TRAPPC12: variants seen among roughly 807,000 people sequenced by gnomAD.
TRAPPC12 encodes trafficking protein particle complex subunit 12, also known as TPR repeat protein 15.
TRAPPC12 carries 61 observed loss-of-function variants against 69.2 expected under a neutral mutation model. That is an observed-to-expected ratio of 0.88 (90% CI 0.72 to 1.09). TRAPPC12 has a LOEUF of 1.09. TRAPPC12 is among the 50% of genes least tolerant of loss of function. The pLI is 0.00. For missense variants in TRAPPC12, 1,101 were observed against 1,016.4 expected (o/e 1.08, Z -1.13); for synonymous variants, 469 against 438.9 (o/e 1.07, Z -0.86).
chr2:3,404,604 T>A (rs567759944), intron 3 of TRAPPC12, among the ~76,000 whole-genome samples: 96 of 152,076 alleles, frequency 6.3e-4, no homozygotes, highest in Middle Eastern at 3.4e-3. Flanking sequence ...TGCTGTAACT[T>A]GGGGGAGACA....
intron 9 of TRAPPC12, among the ~76,000 whole-genome samples, chr2:3,473,031 T>A (rs182017602): frequency 7.9e-5 from 12 of 152,312 alleles, no homozygotes; most frequent in Admixed American, 2.6e-4. Flanking sequence ...CTTAGCAGGA[T>A]TCTTGCTCAC....
At chr2:3,408,370 T>G (rs1661846393) in intron 3 of TRAPPC12, among the ~76,000 whole-genome samples, 1 of 152,222 alleles carries the variant, frequency 6.6e-6, no homozygotes, top group African/African-American at 2.4e-5. Flanking sequence ...CTCACACCTG[T>G]AATCCCAGCA....
chr2:3,462,840 C>T (rs1367692876), intron 8 of TRAPPC12: 1 of 457,390 alleles, frequency 2.2e-6, no homozygotes, highest in Non-Finnish European at 4.6e-6. Context: ...GGCCACTTCC[C>T]TCCTGGTGTC....
At position 3,388,623 on chromosome 2, in the gene TRAPPC12, G is replaced by A. The variant is rs901296240; in HGVS notation, c.1000G>A (p.Asp334Asn). 5.0e-6 allele frequency: 8 copies of A among 1,595,098 alleles called. No homozygotes were observed. Among genetic ancestry groups the A allele is most frequent in the African/African-American group, 1.3e-5 (1 of 74,512 alleles). The change falls in exon 2 of 12, where the codon GAC (aspartate) becomes AAC (asparagine). Residue 334 changes from aspartate (D) to asparagine (N), a missense_variant. Asp to Asn is a conservative substitution (Grantham distance 23). Transcript: ENST00000324266. Reference protein sequence around the residue: ...ATQQRGAVFVDKENLTMPGLR... With the variant: ...ATQQRGAVFVNKENLTMPGLR... Reference sequence around the variant, plus strand: ...CCAGCAGCGCGGCGCCGTGTTCGTGGACAAGGAGAACCTCACCATGCCGGG... The same window carrying A: ...CCAGCAGCGCGGCGCCGTGTTCGTGAACAAGGAGAACCTCACCATGCCGGG...
intron 6 of TRAPPC12, among the ~76,000 whole-genome samples, chr2:3,448,954 A>G (rs570378529): frequency 3.2e-4 from 48 of 152,324 alleles, no homozygotes; most frequent in Non-Finnish European, 5.4e-4. Flanking sequence ...AGTGTTGAGA[A>G]TTTTTATATG....
rs549621522 is a variant in TRAPPC12, at chr2:3,426,524, C to T, written c.1417+1861C>T. On this transcript the variant is annotated intron_variant, in intron 5 of 11. Transcript: ENST00000324266. The stretch of plus-strand genomic sequence containing the variant: ...GTGCGTGTTCAGGAGCTCTGTCTGC[C>T]GTGGCCTGGCCAACAGGTGGAGGAA... Among the ~76,000 whole-genome samples the T allele has an allele frequency of 1.3e-3, 203 of 152,328 alleles. 3 individuals are homozygous for T. The South Asian group carries it at 0.04, about 30-fold the overall frequency.
chr2:3,452,420 T>C (rs1339581654), intron 6 of TRAPPC12, among the ~76,000 whole-genome samples: 1 of 152,226 alleles, frequency 6.6e-6, no homozygotes, highest in Non-Finnish European at 1.5e-5. Flanking sequence ...ACTCTGCCTT[T>C]TGAGGAGTGC....
At chr2:3,445,084 T>G (rs535550339) in intron 6 of TRAPPC12, among the ~76,000 whole-genome samples, 11 of 152,362 alleles carry the variant, frequency 7.2e-5, no homozygotes, top group African/African-American at 2.6e-4. Context: ...TGTCACATTG[T>G]AGGAAATCTT....
At chr2:3,450,600 G>A (rs916749316) in intron 6 of TRAPPC12, among the ~76,000 whole-genome samples, 1 of 152,184 alleles carries the variant, frequency 6.6e-6, no homozygotes, top group African/African-American at 2.4e-5. Context: ...CCAGGCACGT[G>A]GTCCGTGTTT....
At chr2:3,452,535 C>T (rs56859379) in intron 6 of TRAPPC12, among the ~76,000 whole-genome samples, 2 of 152,130 alleles carry the variant, frequency 1.3e-5, no homozygotes. Context: ...GGACAGGCTC[C>T]CCTGCCTCCA....
intron 3 of TRAPPC12, among the ~76,000 whole-genome samples, chr2:3,409,431 T>G (rs1661914867): frequency 6.6e-6 from 1 of 152,234 alleles, no homozygotes; most frequent in Non-Finnish European, 1.5e-5. Context: ...TTTCCTTTAA[T>G]GTTTTTCTAA....
At chr2:3,472,104 G>A (rs1203809819) in intron 9 of TRAPPC12, among the ~76,000 whole-genome samples, 2 of 152,172 alleles carry the variant, frequency 1.3e-5, no homozygotes, top group African/African-American at 4.8e-5. Context: ...GGGACGGGAT[G>A]CAGGACCACT....
At chr2:3,477,582 T>C in intron 9 of TRAPPC12, 113 bp from the exon 10 acceptor site, 2 of 568,974 alleles carry the variant, frequency 3.5e-6, no homozygotes, top group South Asian at 7.2e-5. Flanking sequence ...AGTTTTCCTC[T>C]GCCTGACATA....
At chr2:3,471,688 G>C (rs115435067) in intron 9 of TRAPPC12, among the ~76,000 whole-genome samples, 1 of 152,204 alleles carries the variant, frequency 6.6e-6, no homozygotes, top group African/African-American at 2.4e-5. Context: ...AGAAGCAACT[G>C]ATCTTCAAAC....
chr2:3,422,742 C>A (rs1662880293), intron 4 of TRAPPC12, among the ~76,000 whole-genome samples: 1 of 152,200 alleles, frequency 6.6e-6, no homozygotes, highest in Admixed American at 6.5e-5. Context: ...ATGTACTTTC[C>A]CCCATCACCT....
At chr2:3,438,315 A>T (rs1481137412) in intron 5 of TRAPPC12, among the ~76,000 whole-genome samples, 4 of 62,122 alleles carry the variant, frequency 6.4e-5, no homozygotes, top group Admixed American at 2.1e-4. Context: ...TCACCCCTGG[A>T]TTAGCCCCCA....
chr2:3,430,144 A>G (rs1663348645), intron 5 of TRAPPC12, among the ~76,000 whole-genome samples: 1 of 152,180 alleles, frequency 6.6e-6, no homozygotes, highest in Non-Finnish European at 1.5e-5. Context: ...TCCATTATTC[A>G]TATCCATCCA....
chr2:3,434,277 G>GAATTAA (rs1663626865), intron 5 of TRAPPC12, among the ~76,000 whole-genome samples: 1 of 152,276 alleles, frequency 6.6e-6, no homozygotes, highest in African/African-American at 2.4e-5. Flanking sequence ...ACCTTACCTG[G>GAATTAA]AGCTCACAGA....
intron 9 of TRAPPC12, chr2:3,466,171 C>G (rs893562997): frequency 1.1e-5 from 5 of 435,608 alleles, no homozygotes; most frequent in African/African-American, 2.0e-5. Context: ...AGCTGGAATG[C>G]ATTTTCCTGG....
Sources: allele counts gnomAD v4.1 joint callset (sites outside exome capture counted in the v4.1 genomes callset), GRCh38; gene constraint gnomAD v4.1.1; transcripts MANE v1.5; gene names NCBI Gene and HGNC (gene_info 2026-07-23, HGNC 2026-07-21).